Variants in SLC12A2 observed in about 807,000 individuals in gnomAD.
SLC12A2 encodes solute carrier family 12 member 2, also known as Na-K-2Cl cotransporter 1.
SLC12A2 carries 67 observed loss-of-function variants against 136.3 expected under a neutral mutation model. The observed-to-expected ratio is 0.49, with a 90% CI of 0.40 to 0.60. The LOEUF (loss-of-function observed/expected upper bound fraction) is 0.60. Among genes scored for constraint, SLC12A2 ranks in the 20% least tolerant of loss-of-function variants. The probability of loss-of-function intolerance (pLI) is 0.00; values close to 1 mark genes in which losing one functional copy is unlikely to be tolerated. For synonymous variants in SLC12A2, 619 were observed against 562.9 expected (o/e 1.10, Z -1.41); for missense variants, 1,322 against 1,534.7 (o/e 0.86, Z 2.32).
chr5:128,163,183 C>G (rs1763099284), intron 17 of SLC12A2, among the ~76,000 whole-genome samples: 1 of 152,176 alleles, frequency 6.6e-6, no homozygotes, highest in African/African-American at 2.4e-5. Context: ...CTAGGACACT[C>G]TCTTCTTAGG....
At position 128,138,646 on chromosome 5, in the gene SLC12A2, T is replaced by C. The variant is rs745735459; in HGVS notation, c.1458T>C (p.Thr486=). ...GGCCCGATTTTCGAGAGGAAGAGACTTTCTTTTCTGTATTTGCCATCTTTT... is the reference window on the plus strand; with the variant it reads ...GGCCCGATTTTCGAGAGGAAGAGACCTTCTTTTCTGTATTTGCCATCTTTT... ...NFGPDFREEE[T]FFSVFAIFFP... is the part of the protein sequence containing the mutation. The change falls in exon 8 of 27, where the codon ACT becomes ACC. Residue 486 remains threonine (T), a synonymous_variant. Coordinates refer to ENST00000262461, the MANE Select transcript of SLC12A2 (RefSeq NM_001046.3). 1.2e-6 allele frequency: 2 copies of C among 1,613,644 alleles called. No individual in the cohort carries two copies. Among genetic ancestry groups the C allele is most frequent in the African/African-American group, 1.3e-5 (1 of 75,012 alleles).
chr5:128,088,168 G>C (rs1486309926), intron 1 of SLC12A2, among the ~76,000 whole-genome samples: 2 of 152,004 alleles, frequency 1.3e-5, no homozygotes, highest in African/African-American at 2.4e-5. Flanking sequence ...ATTGGACTTG[G>C]AGATTGTTTA....
chr5:128,170,533 C>T (rs1763340096), intron 18 of SLC12A2: 1 of 152,092 alleles, frequency 6.6e-6, no homozygotes, highest in South Asian at 2.1e-4. Flanking sequence ...TTTCATATAG[C>T]TGTATCTTAA....
rs768413263 is a variant in SLC12A2, at chr5:128,084,486, G to T, written c.532G>T (p.Val178Leu). 6.2e-7 allele frequency: 1 copy of T among 1,610,984 alleles called. No homozygotes were observed. The highest frequency in any genetic ancestry group is 1.1e-5 in the South Asian group (1 of 90,944). ...GAGCTTCCAGAACGGCGGGGACACG[G>T]TGCTGAGCGAGGGCAGCAGCCTGCA... ...NVSFQNGGDT[V>L]LSEGSSLHSG... The change falls in exon 1 of 27, where the codon GTG becomes TTG. Residue 178 changes from valine to leucine, a missense_variant. Physicochemically the swap from Val to Leu is conservative, Grantham distance 32 (BLOSUM62 1). Around this residue, in one of 8 missense-constraint regions of SLC12A2, gnomAD observed 358 missense variants for 299.7 expected, o/e 1.19. Coordinates refer to ENST00000262461, the MANE Select transcript of SLC12A2 (RefSeq NM_001046.3). This position sits in a 1 kb window ranked among gnomAD's most constrained non-coding sequence, Gnocchi z 5.6.
chr5:128,099,606 A>C (rs1760672146), intron 1 of SLC12A2, among the ~76,000 whole-genome samples: 2 of 152,180 alleles, frequency 1.3e-5, no homozygotes, highest in African/African-American at 4.8e-5. Context: ...ATTTGACTTA[A>C]AACACAGACA....
At chr5:128,177,400 C>A in intron 21 of SLC12A2, 1 of 302,470 alleles carries the variant, frequency 3.3e-6, no homozygotes, top group South Asian at 6.1e-5. Flanking sequence ...ACCCAGACAG[C>A]CGGTATTAAT....
chr5:128,156,240 A>G (rs959558121), intron 15 of SLC12A2, among the ~76,000 whole-genome samples: 15 of 152,078 alleles, frequency 9.9e-5, no homozygotes, highest in African/African-American at 3.6e-4. Flanking sequence ...TAGCTTCCTC[A>G]TGTGCTTTCC....
rs1761284829 is a variant in SLC12A2, at chr5:128,114,741, A to G, written c.1048+60A>G. 10 of 1,043,540 alleles carry G rather than the reference A, an allele frequency of 9.6e-6. No individual in the cohort carries two copies. The South Asian group carries it at 1.2e-4, about 13-fold the overall frequency. The allele number at this position is 1,043,540 out of a possible 1,614,324, so 64.6% of individuals were successfully genotyped here. ...TTACTCTTACTAAACAGAGGTCTAA[A>G]TTGTATTTTTAATTATTTTTTACTT... is the stretch of plus-strand genomic sequence containing the variant. On this transcript the variant is annotated intron_variant, in intron 4 of 26. Transcript: ENST00000262461.
rs562195664 is a variant in SLC12A2 at position 128,126,456 on chromosome 5, A to G, written c.1049-4611A>G. 2.8e-4 allele frequency among the ~76,000 whole-genome samples: 43 copies of G among 152,280 alleles called. No homozygotes were observed. The South Asian group carries it at 7.9e-3, about 28-fold the overall frequency. On this transcript the variant is annotated intron_variant, in intron 4 of 26. Coordinates refer to ENST00000262461, the MANE Select transcript of SLC12A2 (RefSeq NM_001046.3). ...GGGAATGTAAATTAGTATAACCGCT[A>G]TGGAGGACAGTTTGGAAGTTCCTCA... is the stretch of plus-strand genomic sequence containing the variant.
chr5:128,120,929 G>T (rs1046535777), intron 4 of SLC12A2, among the ~76,000 whole-genome samples: 33 of 151,992 alleles, frequency 2.2e-4, no homozygotes, highest in African/African-American at 7.7e-4. Flanking sequence ...TATTTATCTT[G>T]ATTCTTAACT....
At chr5:128,138,987 T>C in intron 9 of SLC12A2, 79 bp downstream of exon 9, 1 of 973,460 alleles carries the variant, frequency 1.0e-6, no homozygotes, top group Non-Finnish European at 1.6e-6. Context: ...TTATGACATT[T>C]GCTAACTTTT....
At chr5:128,155,873 G>A (rs790156) in intron 15 of SLC12A2, among the ~76,000 whole-genome samples, 73,281 of 151,852 alleles carry the variant, frequency 0.48, 18,958 homozygotes, top group Non-Finnish European at 0.56. Context: ...TCTTCTGCTT[G>A]TAGGTAGAGA....
chr5:128,113,574 A>G (rs886186630), intron 2 of SLC12A2, among the ~76,000 whole-genome samples: 1 of 152,162 alleles, frequency 6.6e-6, no homozygotes, highest in African/African-American at 2.4e-5. Context: ...AAATAGAGGG[A>G]AAAAAATCAC....
At chr5:128,162,453 C>A (rs1239593136) in intron 17 of SLC12A2, among the ~76,000 whole-genome samples, 3 of 151,496 alleles carry the variant, frequency 2.0e-5, no homozygotes, top group Non-Finnish European at 4.4e-5. Flanking sequence ...GGATTAAATA[C>A]CTAAATTTAA....
chr5:128,092,866 T>C (rs1264554123), intron 1 of SLC12A2, among the ~76,000 whole-genome samples: 1 of 152,202 alleles, frequency 6.6e-6, no homozygotes, highest in East Asian at 1.9e-4. Context: ...ACTGTTCCTG[T>C]CAATAGTTTA....
intron 1 of SLC12A2, among the ~76,000 whole-genome samples, chr5:128,089,466 A>G (rs1760227466): frequency 6.6e-6 from 1 of 152,222 alleles, no homozygotes; most frequent in Admixed American, 6.5e-5. Flanking sequence ...ATGCTAGGAC[A>G]TAGTAGCAGC....
chr5:128,164,110 G>A (rs902279585), intron 17 of SLC12A2, among the ~76,000 whole-genome samples: 5 of 152,098 alleles, frequency 3.3e-5, no homozygotes, highest in African/African-American at 7.2e-5. Flanking sequence ...TTCAGCATGC[G>A]TCAGAATCAT....
At chr5:128,101,846 A>G (rs1163752495) in intron 1 of SLC12A2, among the ~76,000 whole-genome samples, 3 of 152,232 alleles carry the variant, frequency 2.0e-5, no homozygotes, top group African/African-American at 4.8e-5. Flanking sequence ...TTCTTGTGCT[A>G]TACTGTGTTG....
intron 7 of SLC12A2, among the ~76,000 whole-genome samples, chr5:128,138,266 G>T (rs1195163594): frequency 1.3e-5 from 2 of 152,022 alleles, no homozygotes; most frequent in Non-Finnish European, 2.9e-5. Flanking sequence ...CTCCCTTCTT[G>T]CTTCTTTTAC....
Sources: gnomAD v4.1 joint callset for allele counts (sites outside exome capture counted in the v4.1 genomes callset) on GRCh38, gnomAD v4.1.1 for gene constraint, gnomAD v4.1.1 regional missense constraint, Gnocchi (gnomAD v3.1) non-coding constraint, MANE v1.5 for transcripts, NCBI Gene and HGNC (gene_info 2026-07-23, HGNC 2026-07-21) for gene names.